APBB1IP: variants seen among roughly 807,000 people sequenced by gnomAD.
The protein encoded by APBB1IP is amyloid beta precursor protein binding family B member 1 interacting protein.
APBB1IP carries 27 observed loss-of-function variants against 64.9 expected under a neutral mutation model. That is an observed-to-expected ratio of 0.42 (90% CI 0.31 to 0.57). The LOEUF is 0.57. Ranked by LOEUF, APBB1IP falls within the 20% of genes least tolerant of loss-of-function variation. APBB1IP has a pLI of 0.20. For missense variants in APBB1IP, 812 were observed against 845.5 expected (o/e 0.96, Z 0.49); for synonymous variants, 392 against 331.0 (o/e 1.18, Z -2.00).
At chr10:26,472,562 G>A (rs1228969110) in intron 2 of APBB1IP, among the ~76,000 whole-genome samples, 4 of 112,664 alleles carry the variant, frequency 3.6e-5, no homozygotes, top group South Asian at 3.5e-4. Context: ...TATCCTCATC[G>A]TGTTTGTTTC....
chr10:26,450,173 T>C (rs549795042), intron 2 of APBB1IP, among the ~76,000 whole-genome samples: 2 of 152,336 alleles, frequency 1.3e-5, no homozygotes, highest in South Asian at 4.1e-4. Context: ...GGCATTGGAA[T>C]TGGCATTATA....
intron 8 of APBB1IP, among the ~76,000 whole-genome samples, chr10:26,519,150 G>A (rs1268952211): frequency 1.3e-5 from 2 of 150,242 alleles, no homozygotes; most frequent in Non-Finnish European, 3.0e-5. Context: ...TGGGGGTGGG[G>A]TGGGGTGGGG....
In APBB1IP at chr10:26,567,359, CAAG is replaced by C; in HGVS notation, c.1874_1876del (p.Lys625del). The C allele has an allele frequency of 1.3e-6, 2 of 1,527,060 alleles. No individual in the cohort carries two copies. The highest frequency in any genetic ancestry group is 1.8e-6 in the Non-Finnish European group (2 of 1,129,672). The allele number at this position is 1,527,060 out of a possible 1,614,324, so 94.6% of individuals were successfully genotyped here. On this transcript the variant is annotated inframe_deletion, in exon 15 of 15. Transcript: ENST00000376236. ...CCGCCAGGCCGCCCCCCGCGGTGGC[CAAG>C]AGGCCTCCTGTGCCCCCCAAGAGGC...
At chr10:26,507,033 C>A (rs1394064130) in intron 6 of APBB1IP, among the ~76,000 whole-genome samples, 1 of 152,056 alleles carries the variant, frequency 6.6e-6, no homozygotes, top group African/African-American at 2.4e-5. Flanking sequence ...CAGCAAGAAT[C>A]AGCTCGGGGA....
At chr10:26,469,807 T>C (rs1835695014) in intron 2 of APBB1IP, among the ~76,000 whole-genome samples, 1 of 152,158 alleles carries the variant, frequency 6.6e-6, no homozygotes, top group African/African-American at 2.4e-5. Context: ...ATTGTTCCCA[T>C]CTCTATATCC....
intron 2 of APBB1IP, among the ~76,000 whole-genome samples, chr10:26,482,134 C>T (rs1293985210): frequency 6.6e-6 from 1 of 152,146 alleles, no homozygotes; most frequent in African/African-American, 2.4e-5. Flanking sequence ...TGACCACAGT[C>T]ATTGTCCTTT....
chr10:26,472,128 CA>C (rs1321644366), intron 2 of APBB1IP, among the ~76,000 whole-genome samples: 1 of 152,164 alleles, frequency 6.6e-6, no homozygotes, highest in Admixed American at 6.6e-5. Flanking sequence ...GAAAATCCCT[CA>C]CCCCACAGAA....
intron 2 of APBB1IP, among the ~76,000 whole-genome samples, chr10:26,471,242 C>T (rs1835711884): frequency 6.6e-6 from 1 of 152,134 alleles, no homozygotes; most frequent in Admixed American, 6.5e-5. Flanking sequence ...CCGAAGCTCA[C>T]CTAGATGGCC....
chr10:26,509,071 G>A (rs1408520668), intron 6 of APBB1IP, among the ~76,000 whole-genome samples: 1 of 152,194 alleles, frequency 6.6e-6, no homozygotes, highest in Non-Finnish European at 1.5e-5. Flanking sequence ...TCAGCAGAGA[G>A]CAGCAAGTAC....
chr10:26,501,332 G>A (rs1405148073), intron 5 of APBB1IP: 1 of 583,592 alleles, frequency 1.7e-6, no homozygotes, highest in Admixed American at 3.2e-5. Context: ...AGGATTTACT[G>A]TAGTTTGCTT....
intron 2 of APBB1IP, among the ~76,000 whole-genome samples, chr10:26,478,485 G>GC (rs1372147424): frequency 2.0e-5 from 3 of 151,980 alleles, no homozygotes; most frequent in African/African-American, 7.2e-5. Flanking sequence ...CAGGAGTGGC[G>GC]CATGCCTGTA....
chr10:26,515,384 G>A (rs1277214741), intron 8 of APBB1IP, among the ~76,000 whole-genome samples: 23 of 152,090 alleles, frequency 1.5e-4, no homozygotes, highest in Admixed American at 1.3e-3. Flanking sequence ...TAGCTTTTCC[G>A]CCTCACCATT....
chr10:26,547,021 A>G (rs1836773078), intron 11 of APBB1IP, among the ~76,000 whole-genome samples: 1 of 152,250 alleles, frequency 6.6e-6, no homozygotes, highest in Non-Finnish European at 1.5e-5. Flanking sequence ...CCAATGGTGC[A>G]TAAGAGTTCT....
chr10:26,492,181 C>G (rs903833197), intron 2 of APBB1IP, 146 bp from the exon 3 acceptor site: 1 of 596,274 alleles, frequency 1.7e-6, no homozygotes, highest in Non-Finnish European at 2.9e-6. Context: ...AAATTTCAGG[C>G]TAACATAAGC....
chr10:26,497,766 A>G (rs1265129567), intron 4 of APBB1IP, among the ~76,000 whole-genome samples: 1 of 125,534 alleles, frequency 8.0e-6, no homozygotes, highest in South Asian at 2.5e-4. Context: ...TCTCTCTGTC[A>G]CCTAGGCTGG....
intron 11 of APBB1IP, among the ~76,000 whole-genome samples, chr10:26,556,012 C>T (rs946019786): frequency 2.0e-5 from 3 of 152,192 alleles, no homozygotes; most frequent in Non-Finnish European, 2.9e-5. Flanking sequence ...GGATAAATTG[C>T]TCACCCTCTC....
At chr10:26,537,602 A>G (rs1452364291) in intron 10 of APBB1IP, among the ~76,000 whole-genome samples, 1 of 152,228 alleles carries the variant, frequency 6.6e-6, no homozygotes, top group East Asian at 1.9e-4. Flanking sequence ...ATAAATAAAC[A>G]TATAACAAAC....
At chr10:26,466,501 T>A (rs1483191466) in intron 2 of APBB1IP, among the ~76,000 whole-genome samples, 1 of 152,166 alleles carries the variant, frequency 6.6e-6, no homozygotes, top group African/African-American at 2.4e-5. Context: ...AATATTTGCT[T>A]CAAGAAGTTA....
At chr10:26,532,498 T>C (rs1444317868) in intron 8 of APBB1IP, among the ~76,000 whole-genome samples, 2 of 152,160 alleles carry the variant, frequency 1.3e-5, no homozygotes, top group African/African-American at 4.8e-5. Context: ...ATTTTATTTT[T>C]TGAGACAAGG....
Sources: allele counts gnomAD v4.1 joint callset (sites outside exome capture counted in the v4.1 genomes callset), GRCh38; gene constraint gnomAD v4.1.1; transcripts MANE v1.5; gene names NCBI Gene and HGNC (gene_info 2026-07-23, HGNC 2026-07-21).